APBB1IP: variants seen among roughly 807,000 people sequenced by gnomAD.
APBB1IP encodes amyloid beta A4 precursor protein-binding family B member 1-interacting protein.
In APBB1IP, 27 loss-of-function variants were observed where a neutral mutation model predicts 64.9. That is an observed-to-expected ratio of 0.42 (90% CI 0.31 to 0.57). The LOEUF is 0.57. APBB1IP is among the 20% of genes least tolerant of loss of function. The probability of loss-of-function intolerance (pLI) is 0.20; values close to 1 mark genes in which losing one functional copy is unlikely to be tolerated. For missense variants in APBB1IP, 812 were observed against 845.5 expected, an observed-to-expected ratio of 0.96 and a Z score of 0.49; for synonymous variants, 392 against 331.0, an observed-to-expected ratio of 1.18 and a Z score of -2.00.
chr10:26,463,514 T>C (rs1835616403), intron 2 of APBB1IP, among the ~76,000 whole-genome samples: 1 of 152,194 alleles, frequency 6.6e-6, no homozygotes, highest in Non-Finnish European at 1.5e-5. Flanking sequence ...GATTGATTGA[T>C]TGGATGCTTG....
intron 2 of APBB1IP, among the ~76,000 whole-genome samples, chr10:26,453,514 C>CTT (rs1835487709): frequency 6.6e-6 from 1 of 152,110 alleles, no homozygotes; most frequent in African/African-American, 2.4e-5. Context: ...CTCCTCCATC[C>CTT]ACTCATTCAT....
chr10:26,485,919 G>C (rs1384579683), intron 2 of APBB1IP, among the ~76,000 whole-genome samples: 4 of 152,046 alleles, frequency 2.6e-5, no homozygotes, highest in Non-Finnish European at 2.9e-5. Context: ...GTTCTAAAAA[G>C]CCTGTTCAGA....
In APBB1IP at chr10:26,488,891, G is replaced by A. The variant is rs553440956; in HGVS notation, c.1-3436G>A. ...TCTGACCCTTAGCATTCACTGAGTG[G>A]CTTCCTTGGATTCAAACACACACCT... On this transcript the variant is annotated intron_variant, in intron 2 of 14. Transcript: ENST00000376236. Among the ~76,000 whole-genome samples the A allele has an allele frequency of 2.3e-3, 351 of 152,232 alleles. 3 individuals carry two copies. The highest frequency in any genetic ancestry group is 7.1e-3 in the African/African-American group (293 of 41,522).
intron 2 of APBB1IP, among the ~76,000 whole-genome samples, chr10:26,472,211 A>G (rs1022580204): frequency 1.1e-4 from 16 of 152,208 alleles, no homozygotes; most frequent in African/African-American, 3.9e-4. Flanking sequence ...GCACATGAAA[A>G]CATCTGGCTC....
rs1312142200 is a variant in APBB1IP at position 26,536,176 on chromosome 10, C to T, written c.1003C>T (p.Arg335Trp). Residue 335 changes from arginine to tryptophan, a missense_variant, in exon 10 of 15, where the codon CGG becomes TGG. Transcript: ENST00000376236. ...KSWKRRYFLL[R>W]ASGIYYVPKG... ...CTGGAAAAGGCGCTATTTTCTTTTA[C>T]GGGCTTCTGGAATTTATTATGTACC... 3 of 1,597,084 alleles carry T rather than the reference C, an allele frequency of 1.9e-6. No homozygotes were observed. Among genetic ancestry groups the T allele is most frequent in the Middle Eastern group, 1.7e-4 (1 of 5,822 alleles).
At chr10:26,457,904 T>G (rs184562544) in intron 2 of APBB1IP, among the ~76,000 whole-genome samples, 1 of 152,284 alleles carries the variant, frequency 6.6e-6, no homozygotes, top group East Asian at 1.9e-4. Flanking sequence ...AATGACTAAA[T>G]TATTTGCTCT....
chr10:26,511,626 C>A, intron 6 of APBB1IP, 121 bp from the exon 7 acceptor site: 2 of 1,185,726 alleles, frequency 1.7e-6, no homozygotes, highest in South Asian at 1.5e-5. Flanking sequence ...TTAGATGGAG[C>A]AAGTTCACCA....
chr10:26,544,616 T>C (rs775685679), intron 11 of APBB1IP, among the ~76,000 whole-genome samples: 4 of 151,806 alleles, frequency 2.6e-5, no homozygotes, highest in Admixed American at 6.6e-5. Flanking sequence ...AGGGCTGGGG[T>C]CCAGAAGCCA....
chr10:26,466,001 C>T (rs1334666871), intron 2 of APBB1IP, among the ~76,000 whole-genome samples: 2 of 152,178 alleles, frequency 1.3e-5, no homozygotes, highest in African/African-American at 4.8e-5. Context: ...TTCCGACAGT[C>T]CACAGCAGGG....
At chr10:26,470,912 G>A (rs1385261189) in intron 2 of APBB1IP, among the ~76,000 whole-genome samples, 1 of 152,034 alleles carries the variant, frequency 6.6e-6, no homozygotes, top group Non-Finnish European at 1.5e-5. Flanking sequence ...ATCTGTCCAG[G>A]CATCTGGGGT....
At chr10:26,492,042 G>A (rs535489859) in intron 2 of APBB1IP, among the ~76,000 whole-genome samples, 9 of 152,180 alleles carry the variant, frequency 5.9e-5, no homozygotes, top group South Asian at 2.1e-4. Context: ...GATTACAGGC[G>A]TGATCCAGCC....
rs1030841951 is a variant in APBB1IP at position 26,440,872 on chromosome 10, C to T, written c.-1+2019C>T. 4.6e-5 allele frequency among the ~76,000 whole-genome samples: 7 copies of T among 152,150 alleles called. No individual in the cohort carries two copies. In the South Asian group the frequency reaches 8.3e-4, roughly 18 times the overall value. On this transcript the variant is annotated intron_variant, in intron 2 of 14. Transcript: ENST00000376236. The stretch of plus-strand genomic sequence containing the variant: ...ATGTCACTTTGAATTTTCTTTAAGC[C>T]ATCTTACTTCCAAAGAGCATTATTA...
At chr10:26,509,254 C>A (rs1238978451) in intron 6 of APBB1IP, among the ~76,000 whole-genome samples, 1 of 152,142 alleles carries the variant, frequency 6.6e-6, no homozygotes, top group African/African-American at 2.4e-5. Flanking sequence ...GAAAAAGCAA[C>A]TATCCAACTA....
intron 2 of APBB1IP, among the ~76,000 whole-genome samples, chr10:26,446,380 G>T (rs554298147): frequency 6.6e-6 from 1 of 152,140 alleles, no homozygotes; most frequent in African/African-American, 2.4e-5. Context: ...TTCTTCATGT[G>T]TTTACTCATT....
intron 2 of APBB1IP, among the ~76,000 whole-genome samples, chr10:26,485,572 G>A (rs967969892): frequency 6.6e-6 from 1 of 152,062 alleles, no homozygotes; most frequent in African/African-American, 2.4e-5. Flanking sequence ...ATTCAGTGTG[G>A]CAAATGCTGA....
At chr10:26,547,151 T>C (rs1184341146) in intron 11 of APBB1IP, among the ~76,000 whole-genome samples, 1 of 152,214 alleles carries the variant, frequency 6.6e-6, no homozygotes, top group Admixed American at 6.5e-5. Flanking sequence ...TGGTTAGTGA[T>C]GTTAAGCATT....
At chr10:26,566,781 G>A (rs961719493) in intron 14 of APBB1IP, among the ~76,000 whole-genome samples, 180 bp from the exon 15 acceptor site, 1 of 151,818 alleles carries the variant, frequency 6.6e-6, no homozygotes, top group Admixed American at 6.6e-5. Context: ...AATGCTACTC[G>A]GGAGGTCGAG....
At chr10:26,466,681 G>A (rs1439986818) in intron 2 of APBB1IP, among the ~76,000 whole-genome samples, 1 of 152,164 alleles carries the variant, frequency 6.6e-6, no homozygotes, top group East Asian at 1.9e-4. Context: ...CATACCTGTA[G>A]TCCCAGCTAC....
intron 9 of APBB1IP, among the ~76,000 whole-genome samples, chr10:26,533,945 A>G (rs1281743338): frequency 6.6e-6 from 1 of 151,672 alleles, no homozygotes; most frequent in Non-Finnish European, 1.5e-5. Flanking sequence ...TCTGCCTAGC[A>G]CTCTTCATGT....
Sources: gnomAD v4.1 joint callset for allele counts (sites outside exome capture counted in the v4.1 genomes callset) on GRCh38, gnomAD v4.1.1 for gene constraint, MANE v1.5 for transcripts, NCBI Gene and HGNC (gene_info 2026-07-23, HGNC 2026-07-21) for gene names.